SLC7A6OS: variants seen among roughly 807,000 people sequenced by gnomAD.
SLC7A6OS encodes solute carrier family 7 member 6 opposite strand.
In SLC7A6OS, 22 loss-of-function variants were observed where a neutral mutation model predicts 34.3. The ratio of observed to expected loss-of-function variants is 0.64; its 90% CI spans 0.46 to 0.92. The LOEUF (loss-of-function observed/expected upper bound fraction) is 0.92. Among genes scored for constraint, SLC7A6OS ranks in the 40% least tolerant of loss-of-function variants. SLC7A6OS has a pLI of 0.00. For missense variants in SLC7A6OS, 434 were observed against 407.7 expected, an observed-to-expected ratio of 1.06 and a Z score of -0.56; for synonymous variants, 199 against 165.0, an observed-to-expected ratio of 1.21 and a Z score of -1.58.
At position 68,299,889 on chromosome 16, in the gene SLC7A6OS, T is replaced by C. The variant is rs979216160; in HGVS notation, c.*1386A>G. 6.6e-6 allele frequency: 1 copy of C among 152,172 alleles called. No individual in the cohort carries two copies. The highest frequency in any genetic ancestry group is 2.4e-5 in the African/African-American group (1 of 41,438). The allele number at this position is 152,172 out of a possible 1,614,324, so 9.4% of individuals were successfully genotyped here. Reference sequence around the variant, plus strand: ...CACAGAATTTAATCACTTCGGCAGGTTGAACAACTCCATGTAGATAAGAGC... The same window carrying C: ...CACAGAATTTAATCACTTCGGCAGGCTGAACAACTCCATGTAGATAAGAGC... On this transcript the variant is annotated 3_prime_UTR_variant, in exon 5 of 5. Transcript: ENST00000263997.
intron 3 of SLC7A6OS, 100 bp downstream of exon 3, chr16:68,303,926 G>T: frequency 3.7e-6 from 4 of 1,077,502 alleles, no homozygotes; most frequent in South Asian, 1.4e-5. Context: ...AAGAACTAAG[G>T]ACAATGTTGT....
chr16:68,302,616 A>G, intron 3 of SLC7A6OS, 115 bp from the exon 4 acceptor site: 1 of 1,227,108 alleles, frequency 8.1e-7, no homozygotes, highest in South Asian at 1.3e-5. Flanking sequence ...CCTGTGAAAA[A>G]ACTGCAGACT....
In SLC7A6OS at chr16:68,304,215, C is replaced by T. The variant is rs1567602828; in HGVS notation, c.489G>A (p.Val163=). The change falls in exon 3 of 5, where the codon GTG becomes GTA. Residue 163 remains valine (V), a synonymous_variant. Transcript: ENST00000263997. ...TCAACTCTACAGAATTGCAGAGGATCACATCTGGGTCAGATGTCTGTAAAG... is the reference window on the plus strand; with the variant it reads ...TCAACTCTACAGAATTGCAGAGGATTACATCTGGGTCAGATGTCTGTAAAG... The part of the protein sequence containing the change: ...AGSCKTSDPD[V]ILCNSVELIR... 6.2e-7 allele frequency: 1 copy of T among 1,614,142 alleles called. No homozygotes were observed. The highest frequency in any genetic ancestry group is 2.2e-5 in the East Asian group (1 of 44,894).
In SLC7A6OS at chr16:68,305,552, G is replaced by A. The variant is rs989551272; in HGVS notation, c.472-1320C>T. On this transcript the variant is annotated intron_variant, in intron 2 of 4. Transcript: ENST00000263997. ...CTGCACAGCTCCAAGCAGACACCACGCAGGAAAATGGGGAAGATCCCATGG... is the reference window on the plus strand; with the variant it reads ...CTGCACAGCTCCAAGCAGACACCACACAGGAAAATGGGGAAGATCCCATGG... Among the ~76,000 whole-genome samples the A allele has an allele frequency of 3.9e-5, 6 of 152,252 alleles. No homozygotes were observed. In the South Asian group the frequency reaches 1.0e-3, roughly 26 times the overall value.
chr16:68,303,297 T>C (rs2151239559), intron 3 of SLC7A6OS, among the ~76,000 whole-genome samples: 1 of 145,668 alleles, frequency 6.9e-6, no homozygotes, highest in East Asian at 2.0e-4. Flanking sequence ...TGGTGTCAGC[T>C]AGGTGTGGTG....
At chr16:68,308,694 T>C (rs943884182) in intron 2 of SLC7A6OS, among the ~76,000 whole-genome samples, 1 of 152,202 alleles carries the variant, frequency 6.6e-6, no homozygotes, top group Non-Finnish European at 1.5e-5. Context: ...TGGATTCATT[T>C]TGAATTATAA....
chr16:68,310,263 C>G, intron 2 of SLC7A6OS, 72 bp downstream of exon 2: 1 of 1,461,896 alleles, frequency 6.8e-7, no homozygotes, highest in Non-Finnish European at 9.2e-7. Context: ...TGAAACTGTG[C>G]TGCGACTGGG....
chr16:68,308,835 T>C (rs1295610176), intron 2 of SLC7A6OS, among the ~76,000 whole-genome samples: 2 of 151,940 alleles, frequency 1.3e-5, no homozygotes, highest in Non-Finnish European at 2.9e-5. Context: ...GGCGGATCAC[T>C]GAGGCCAGGA....
In SLC7A6OS at chr16:68,304,024, A is replaced by C. The variant is rs1046371804; in HGVS notation, c.678+2T>G. ...GCCCCGTCTGCTCATGGGCCCCCTT[A>C]CCAGCTCCCATTCTTGGCTGTAGGG... On this transcript the variant is annotated splice_donor_variant, in intron 3 of 4. Transcript: ENST00000263997. LOFTEE classifies it high-confidence loss of function. 6.2e-7 allele frequency: 1 copy of C among 1,612,806 alleles called. No individual in the cohort carries two copies. Among genetic ancestry groups the C allele is most frequent in the Admixed American group, 1.7e-5 (1 of 59,996 alleles).
chr16:68,307,437 T>C (rs2043335124), intron 2 of SLC7A6OS, among the ~76,000 whole-genome samples: 1 of 152,258 alleles, frequency 6.6e-6, no homozygotes, highest in Non-Finnish European at 1.5e-5. Context: ...ATTTATCTAA[T>C]AGGAATTTAT....
intron 4 of SLC7A6OS, 49 bp from the exon 5 acceptor site, chr16:68,301,454 A>C: frequency 1.3e-6 from 2 of 1,560,332 alleles, no homozygotes; most frequent in Non-Finnish European, 1.8e-6. Context: ...TTCCTAGGCT[A>C]CTGCAGGAGC....
chr16:68,304,950 G>C (rs2043316423), intron 2 of SLC7A6OS, among the ~76,000 whole-genome samples: 1 of 152,182 alleles, frequency 6.6e-6, no homozygotes, highest in Middle Eastern at 3.2e-3. Flanking sequence ...GTACTCAGGA[G>C]GTTGAGGCTG....
At chr16:68,306,853 T>TTCAC (rs896310601) in intron 2 of SLC7A6OS, among the ~76,000 whole-genome samples, 3 of 141,806 alleles carry the variant, frequency 2.1e-5, no homozygotes, top group East Asian at 2.1e-4. Flanking sequence ...CATTCATTCA[T>TTCAC]TCACTCAGAA....
chr16:68,301,302 G>C lies in SLC7A6OS; in HGVS notation c.903C>G (p.Asp301Glu). Residue 301 changes from aspartate to glutamate, a missense_variant, in exon 5 of 5, where the codon GAC (aspartate) becomes GAG (glutamate). Asp to Glu is a conservative substitution (Grantham distance 45, BLOSUM62 2). Coordinates refer to ENST00000263997, the MANE Select transcript of SLC7A6OS (RefSeq NM_032178.3). Reference protein sequence around the residue: ...PLDVQKEFGYDSPHDLDSD With the variant: ...PLDVQKEFGYESPHDLDSD The stretch of plus-strand genomic sequence containing the variant: ...AGTCTGAATCCAGGTCGTGGGGGCT[G>C]TCATAGCCGAACTCCTTCTGCACAT... 6.2e-7 allele frequency: 1 copy of C among 1,614,064 alleles called. No homozygotes were observed. Among genetic ancestry groups the C allele is most frequent in the Non-Finnish European group, 8.5e-7 (1 of 1,179,934 alleles).
intron 3 of SLC7A6OS, 125 bp from the exon 4 acceptor site, chr16:68,302,626 T>C (rs1409853339): frequency 4.6e-6 from 5 of 1,077,254 alleles, no homozygotes; most frequent in Non-Finnish European, 7.0e-6. Context: ...AACTGCAGAC[T>C]AGTAGTTTGA....
At chr16:68,307,751 A>G (rs1411493218) in intron 2 of SLC7A6OS, among the ~76,000 whole-genome samples, 1 of 152,200 alleles carries the variant, frequency 6.6e-6, no homozygotes, top group African/African-American at 2.4e-5. Context: ...AACCTCAAGC[A>G]TGCTTTAAGC....
rs2043279184 is a variant in SLC7A6OS, at chr16:68,301,672, TTTG to T, written c.800-270_800-268del. On this transcript the variant is annotated intron_variant, in intron 4 of 4. Transcript: ENST00000263997. ...CACTTCTCCCCTCCGTATAGGATTT[TTTG>T]TTGTTGTAAGAGTTGTAGTCATATT... is the stretch of plus-strand genomic sequence containing the variant. 4 of 273,162 alleles carry T rather than the reference TTTG, an allele frequency of 1.5e-5. No homozygotes were observed. The Admixed American group carries it at 1.5e-4, about 10-fold the overall frequency. The allele number at this position is 273,162 out of a possible 1,614,324, so 16.9% of individuals were successfully genotyped here.
In SLC7A6OS at chr16:68,309,051, C is replaced by CA. The variant is rs57351239; in HGVS notation, c.471+1283dup. On this transcript the variant is annotated intron_variant, in intron 2 of 4. Coordinates refer to ENST00000263997, the MANE Select transcript of SLC7A6OS (RefSeq NM_032178.3). ...TGGGCAACAGAGTGAGACTCTGACT[C>CA]AAAAAAAAAAAAAAAAAGAGAGGGC... is the stretch of plus-strand genomic sequence containing the variant. 6.9e-3 allele frequency among the ~76,000 whole-genome samples: 469 copies of CA among 68,282 alleles called. 1 individual carries two copies. The highest frequency in any genetic ancestry group is 0.019 in the East Asian group (44 of 2,260). 44.8% of individuals were successfully genotyped at this position (68,282 alleles called of 152,430 possible).
intron 2 of SLC7A6OS, among the ~76,000 whole-genome samples, chr16:68,309,884 G>T (rs2043411247): frequency 6.6e-6 from 1 of 152,174 alleles, no homozygotes; most frequent in Non-Finnish European, 1.5e-5. Flanking sequence ...AAGGAGCAAA[G>T]AAACGGCTTA....
Sources: allele counts gnomAD v4.1 joint callset (sites outside exome capture counted in the v4.1 genomes callset), GRCh38; gene constraint gnomAD v4.1.1; transcripts MANE v1.5; gene names NCBI Gene and HGNC (gene_info 2026-07-23, HGNC 2026-07-21).